Variants in GNA14 observed in about 807,000 individuals in gnomAD.
GNA14 encodes the protein G protein subunit alpha 14.
A neutral mutation model predicts 42.0 loss-of-function variants in GNA14; 50 were observed. The observed-to-expected ratio is 1.19, with a 90% CI of 0.95 to 1.51. The LOEUF (loss-of-function observed/expected upper bound fraction) is 1.51, where lower values mean the gene tolerates loss of function less well. GNA14 is among the 40% of genes most tolerant of loss of function. GNA14 has a pLI of 0.00. For synonymous variants in GNA14, 173 were observed against 163.1 expected, an observed-to-expected ratio of 1.06 and a Z score of -0.46; for missense variants, 473 against 446.2, an observed-to-expected ratio of 1.06 and a Z score of -0.54.
chr9:77,469,154 C>G (rs900083440), intron 2 of GNA14, among the ~76,000 whole-genome samples: 1 of 152,038 alleles, frequency 6.6e-6, no homozygotes, highest in Non-Finnish European at 1.5e-5. Context: ...GCATGAGGCT[C>G]TCACCCCCAT....
chr9:77,485,296 G>C (rs1836637822), intron 2 of GNA14, among the ~76,000 whole-genome samples: 1 of 152,188 alleles, frequency 6.6e-6, no homozygotes, highest in Admixed American at 6.5e-5. Context: ...CCATAAGAAG[G>C]AACTCCTCAT....
chr9:77,617,883 T>C (rs1823848768), intron 1 of GNA14, among the ~76,000 whole-genome samples: 1 of 152,010 alleles, frequency 6.6e-6, no homozygotes, highest in Non-Finnish European at 1.5e-5. Flanking sequence ...CTCCCCTCCA[T>C]TGTCACCCTT....
At chr9:77,556,973 C>T (rs945710645) in intron 1 of GNA14, among the ~76,000 whole-genome samples, 1 of 152,160 alleles carries the variant, frequency 6.6e-6, no homozygotes, top group African/African-American at 2.4e-5. Context: ...CACATTTATA[C>T]AAGAAAAGAC....
intron 2 of GNA14, among the ~76,000 whole-genome samples, chr9:77,488,696 TA>T (rs2131734054): frequency 6.7e-6 from 1 of 148,926 alleles, no homozygotes; most frequent in African/African-American, 2.5e-5. Context: ...AGGCACCCTC[TA>T]GTGCCAAAAA....
intron 1 of GNA14, among the ~76,000 whole-genome samples, chr9:77,629,147 A>G (rs1413323067): frequency 6.6e-6 from 1 of 152,232 alleles, no homozygotes; most frequent in Non-Finnish European, 1.5e-5. Context: ...ACCACTGGTC[A>G]TTAGAGAAAT....
Position 77,423,797 on chromosome 9 carries a change from A to C in GNA14, c.*182T>G, listed in dbSNP as rs1161878001. 2.6e-6 allele frequency: 1 copy of C among 386,772 alleles called. No individual in the cohort carries two copies. The highest frequency in any genetic ancestry group is 4.6e-6 in the Non-Finnish European group (1 of 215,504). 24.0% of individuals were successfully genotyped at this position (386,772 alleles called of 1,614,324 possible). A position where few individuals can be genotyped will look rare whatever the true frequency, so the allele number is the denominator to read the frequency against. On this transcript the variant is annotated 3_prime_UTR_variant, in exon 7 of 7. Coordinates refer to ENST00000341700, the MANE Select transcript of GNA14 (RefSeq NM_004297.4). Reference sequence around the variant, plus strand: ...ACAATTTGGGATGTAAGGACTTTTAAAGTATGTTGGTAAACTCAAATATCT... The same window carrying C: ...ACAATTTGGGATGTAAGGACTTTTACAGTATGTTGGTAAACTCAAATATCT...
chr9:77,478,121 C>T (rs923631917), intron 2 of GNA14, among the ~76,000 whole-genome samples: 5 of 151,590 alleles, frequency 3.3e-5, no homozygotes, highest in African/African-American at 9.7e-5. Context: ...TGGTGTGCTG[C>T]ACCCATTAAC....
At position 77,431,384 on chromosome 9, in the gene GNA14, C is replaced by G. The variant is rs761483742; in HGVS notation, c.530G>C (p.Arg177Pro). 3 of 1,613,342 alleles carry G rather than the reference C, an allele frequency of 1.9e-6. No individual in the cohort carries two copies. The highest frequency in any genetic ancestry group is 1.7e-5 in the Admixed American group (1 of 59,976). Residue 177 changes from arginine to proline, a missense_variant, in exon 4 of 7, where the codon CGC becomes CCC. Transcript: ENST00000341700. ...GATGCCGGTGGTGGGCACTCGGACG[C>G]GAAGCACATCTTGTTGGGTAGGCAC... ...SFVPTQQDVL[R>P]VRVPTTGIIE...
At chr9:77,479,410 G>C (rs1028976456) in intron 2 of GNA14, among the ~76,000 whole-genome samples, 3 of 152,150 alleles carry the variant, frequency 2.0e-5, no homozygotes, top group African/African-American at 7.2e-5. Context: ...GTACCATGCT[G>C]TTTTGGTTAC....
At chr9:77,532,846 A>T (rs552747476) in intron 1 of GNA14, among the ~76,000 whole-genome samples, 129 of 152,268 alleles carry the variant, frequency 8.5e-4, no homozygotes, top group Non-Finnish European at 1.4e-3. Context: ...CACAGTGAAG[A>T]CAACAGGAAC....
intron 1 of GNA14, among the ~76,000 whole-genome samples, chr9:77,589,103 T>C (rs1266451469): frequency 6.6e-6 from 1 of 152,250 alleles, no homozygotes; most frequent in Non-Finnish European, 1.5e-5. Flanking sequence ...AGCACTTTTG[T>C]ATGCCCCAGG....
Position 77,423,975 on chromosome 9 carries a change from G to A in GNA14, c.*4C>T, listed in dbSNP as rs371197023. ...TGTTATAGGGGAGGAGTGGGCAGCA[G>A]CTTTTAGACAAGGTTGAATTCCCTT... On this transcript the variant is annotated 3_prime_UTR_variant, in exon 7 of 7. Coordinates refer to ENST00000341700, the MANE Select transcript of GNA14 (RefSeq NM_004297.4). 1.3e-6 allele frequency: 2 copies of A among 1,573,884 alleles called. No homozygotes were observed. Among genetic ancestry groups the A allele is most frequent in the African/African-American group, 2.7e-5 (2 of 73,716 alleles).
At chr9:77,503,873 G>A (rs1006090663) in intron 2 of GNA14, among the ~76,000 whole-genome samples, 1 of 151,920 alleles carries the variant, frequency 6.6e-6, no homozygotes, top group African/African-American at 2.4e-5. Context: ...GTAGAGATGG[G>A]GTTTCACCAT....
At chr9:77,446,633 G>T (rs957080615) in intron 2 of GNA14, among the ~76,000 whole-genome samples, 1 of 152,146 alleles carries the variant, frequency 6.6e-6, no homozygotes, top group Non-Finnish European at 1.5e-5. Flanking sequence ...TGAAGGAGAA[G>T]GGGTGGGGGG....
chr9:77,455,592 C>T (rs1297339598), intron 2 of GNA14, among the ~76,000 whole-genome samples: 3 of 152,118 alleles, frequency 2.0e-5, no homozygotes, highest in African/African-American at 4.8e-5. Flanking sequence ...ACTTTTCCCT[C>T]GGCTTATATT....
Position 77,423,615 on chromosome 9 carries a change from T to C in GNA14, c.*364A>G, listed in dbSNP as rs1248931707. ...TAACTCTAGAGGTTTGAAGGCATGA[T>C]CTATAAACTAACAGGCTCCTTGCTT... On this transcript the variant is annotated 3_prime_UTR_variant, in exon 7 of 7. Coordinates refer to ENST00000341700, the MANE Select transcript of GNA14 (RefSeq NM_004297.4). 6.5e-6 allele frequency: 1 copy of C among 154,666 alleles called. No homozygotes were observed. Among genetic ancestry groups the C allele is most frequent in the African/African-American group, 2.4e-5 (1 of 41,580 alleles). The allele number at this position is 154,666 out of a possible 1,614,324, so 9.6% of individuals were successfully genotyped here. A position where few individuals can be genotyped will look rare whatever the true frequency, so the allele number is the denominator to read the frequency against.
chr9:77,557,808 A>T (rs953208531), intron 1 of GNA14, among the ~76,000 whole-genome samples: 3 of 152,234 alleles, frequency 2.0e-5, no homozygotes, highest in Admixed American at 1.3e-4. Context: ...CACTTTCTCA[A>T]AAAACGGGAT....
intron 2 of GNA14, among the ~76,000 whole-genome samples, chr9:77,449,178 G>A (rs544387940): frequency 5.7e-4 from 87 of 152,348 alleles, no homozygotes; most frequent in African/African-American, 2.0e-3. Flanking sequence ...TACCTTAGGA[G>A]CAATAGGTAA....
chr9:77,512,478 C>T (rs1306056983), intron 2 of GNA14, among the ~76,000 whole-genome samples: 4 of 152,136 alleles, frequency 2.6e-5, no homozygotes, highest in African/African-American at 4.8e-5. Flanking sequence ...TAATCTCTAT[C>T]CACATTTTAA....
Sources: allele counts gnomAD v4.1 joint callset (sites outside exome capture counted in the v4.1 genomes callset), GRCh38; gene constraint gnomAD v4.1.1; transcripts MANE v1.5; gene names NCBI Gene and HGNC (gene_info 2026-07-23, HGNC 2026-07-21).